AMBRA1: variants seen among roughly 807,000 people sequenced by gnomAD.
AMBRA1 encodes the protein autophagy and beclin 1 regulator 1.
A neutral mutation model predicts 125.4 loss-of-function variants in AMBRA1; 47 were observed. The observed-to-expected ratio is 0.37, with a 90% CI of 0.30 to 0.48. The LOEUF is 0.48. AMBRA1 is among the 20% of genes least tolerant of loss of function. The probability of loss-of-function intolerance (pLI) is 0.99; values close to 1 mark genes in which losing one functional copy is unlikely to be tolerated. For synonymous variants in AMBRA1, 626 were observed against 655.5 expected, an observed-to-expected ratio of 0.95 and a Z score of 0.69; for missense variants, 1,331 against 1,693.4, an observed-to-expected ratio of 0.79 and a Z score of 3.76.
chr11:46,577,702 G>A (rs1591173982), intron 1 of AMBRA1, among the ~76,000 whole-genome samples: 1 of 152,198 alleles, frequency 6.6e-6, no homozygotes, highest in South Asian at 2.1e-4. Flanking sequence ...TATAATGCCA[G>A]CACTTTGGGA....
intron 3 of AMBRA1, chr11:46,547,514 C>T (rs1242600410): frequency 5.3e-6 from 3 of 564,014 alleles, no homozygotes; most frequent in African/African-American, 1.9e-5. Flanking sequence ...ATGCCACATT[C>T]GGAAAATATT....
At chr11:46,498,533 G>T (rs1279673170) in intron 9 of AMBRA1, among the ~76,000 whole-genome samples, 1 of 152,144 alleles carries the variant, frequency 6.6e-6, no homozygotes, top group Non-Finnish European at 1.5e-5. Flanking sequence ...AAACAATCAA[G>T]TATCCAAAAT....
At chr11:46,563,651 C>A (rs1188985197) in intron 1 of AMBRA1, among the ~76,000 whole-genome samples, 1 of 152,010 alleles carries the variant, frequency 6.6e-6, no homozygotes, top group Non-Finnish European at 1.5e-5. Context: ...ACCAGCCTGG[C>A]CAATGTAGTG....
At chr11:46,588,289 G>A (rs983498335) in intron 1 of AMBRA1, among the ~76,000 whole-genome samples, 4 of 152,084 alleles carry the variant, frequency 2.6e-5, no homozygotes, top group Non-Finnish European at 5.9e-5. Flanking sequence ...CCAAGATAGC[G>A]CAGCTGCACT....
chr11:46,535,816 C>T (rs902058300), intron 7 of AMBRA1, among the ~76,000 whole-genome samples: 1 of 152,100 alleles, frequency 6.6e-6, no homozygotes, highest in Non-Finnish European at 1.5e-5. Flanking sequence ...GCATATGATG[C>T]CAGTGCTCTC....
intron 1 of AMBRA1, among the ~76,000 whole-genome samples, chr11:46,553,706 T>C (rs1193824165): frequency 6.6e-6 from 1 of 151,766 alleles, no homozygotes; most frequent in African/African-American, 2.4e-5. Flanking sequence ...GACCGTGCCA[T>C]TGTACTTCAG....
intron 1 of AMBRA1, among the ~76,000 whole-genome samples, chr11:46,581,430 A>G (rs1383619397): frequency 6.6e-6 from 1 of 151,706 alleles, no homozygotes; most frequent in African/African-American, 2.4e-5. Context: ...AACACATGAA[A>G]CCCCGTCTCT....
At chr11:46,581,589 G>A (rs1266533635) in intron 1 of AMBRA1, among the ~76,000 whole-genome samples, 1 of 151,972 alleles carries the variant, frequency 6.6e-6, no homozygotes, top group African/African-American at 2.4e-5. Context: ...CTGGGTGACA[G>A]TGCGAGACTT....
chr11:46,503,588 T>C (rs1950923269), intron 9 of AMBRA1, among the ~76,000 whole-genome samples: 1 of 152,176 alleles, frequency 6.6e-6, no homozygotes, highest in South Asian at 2.1e-4. Context: ...ACCTTCAATT[T>C]GTGAAAAACA....
chr11:46,433,392 G>C (rs1234557240), intron 14 of AMBRA1, 82 bp downstream of exon 14: 1 of 1,512,906 alleles, frequency 6.6e-7, no homozygotes, highest in Non-Finnish European at 8.9e-7. Context: ...TCCTGGCTGG[G>C]AGGTCACACC....
At chr11:46,550,705 T>C (rs1347600778) in intron 1 of AMBRA1, among the ~76,000 whole-genome samples, 8 of 152,058 alleles carry the variant, frequency 5.3e-5, no homozygotes, top group African/African-American at 1.9e-4. Context: ...TTGCTTACAA[T>C]AGCAAAAACT....
chr11:46,496,624 G>A (rs1165391698), intron 9 of AMBRA1, among the ~76,000 whole-genome samples: 1 of 152,180 alleles, frequency 6.6e-6, no homozygotes, highest in Admixed American at 6.5e-5. Flanking sequence ...GTACTGAGCA[G>A]TTGCCAGTGC....
intron 15 of AMBRA1, among the ~76,000 whole-genome samples, chr11:46,410,706 G>A (rs539040614): frequency 9.5e-4 from 144 of 152,350 alleles, no homozygotes; most frequent in African/African-American, 3.0e-3. Flanking sequence ...TTCAGACACA[G>A]AGAAAGGAAC....
At chr11:46,398,026 TG>T in intron 17 of AMBRA1, 83 bp from the exon 18 acceptor site, 1 of 1,492,334 alleles carries the variant, frequency 6.7e-7, no homozygotes, top group Non-Finnish European at 8.9e-7. Flanking sequence ...CGGTAGCAGC[TG>T]GGGGATTCTT....
rs577055183 is a variant in AMBRA1, at chr11:46,467,850, G to A, written c.2522-24252C>T. Among the ~76,000 whole-genome samples, 38 of 152,254 alleles carry A rather than the reference G, an allele frequency of 2.5e-4. 1 individual carries two copies. The South Asian group carries it at 4.6e-3, about 18-fold the overall frequency. Reference sequence around the variant, plus strand: ...TACTGTTAATTTAGAAGAGATCTGGGAGAGAGTGGAGATAAACACACATGT... The same window carrying A: ...TACTGTTAATTTAGAAGAGATCTGGAAGAGAGTGGAGATAAACACACATGT... On this transcript the variant is annotated intron_variant, in intron 11 of 17. Coordinates refer to ENST00000683756, the MANE Select transcript of AMBRA1 (RefSeq NM_001387011.1).
At chr11:46,445,035 G>T (rs1948209291) in intron 11 of AMBRA1, among the ~76,000 whole-genome samples, 1 of 146,482 alleles carries the variant, frequency 6.8e-6, no homozygotes, top group Non-Finnish European at 1.5e-5. Context: ...CCCCATGGGG[G>T]TAAAAATTGG....
At chr11:46,425,106 C>T (rs1250026455) in intron 14 of AMBRA1, among the ~76,000 whole-genome samples, 2 of 152,172 alleles carry the variant, frequency 1.3e-5, no homozygotes, top group African/African-American at 4.8e-5. Flanking sequence ...TGCACTCCAG[C>T]CTGGGCAACA....
At chr11:46,592,406 T>C (rs2044634667) in intron 1 of AMBRA1, among the ~76,000 whole-genome samples, 1 of 152,188 alleles carries the variant, frequency 6.6e-6, no homozygotes, top group African/African-American at 2.4e-5. Context: ...AATATTTGAA[T>C]GATTTCTACA....
intron 11 of AMBRA1, among the ~76,000 whole-genome samples, chr11:46,488,838 A>G (rs1265752597): frequency 6.6e-6 from 1 of 152,210 alleles, no homozygotes; most frequent in Non-Finnish European, 1.5e-5. Flanking sequence ...ATTCAACAAC[A>G]CACTCCCAAA....
Sources: allele counts gnomAD v4.1 joint callset (sites outside exome capture counted in the v4.1 genomes callset), GRCh38; gene constraint gnomAD v4.1.1; transcripts MANE v1.5; gene names NCBI Gene and HGNC (gene_info 2026-07-23, HGNC 2026-07-21).